KIAA0825: variants seen among roughly 807,000 people sequenced by gnomAD.
KIAA0825 encodes uncharacterized protein KIAA0825.
A neutral mutation model predicts 147.6 loss-of-function variants in KIAA0825; 119 were observed. The ratio of observed to expected loss-of-function variants is 0.81; its 90% CI spans 0.69 to 0.94. The LOEUF is 0.94. KIAA0825 is among the 40% of genes least tolerant of loss of function. The pLI is 0.00. For missense variants in KIAA0825, 1,381 were observed against 1,472.7 expected (o/e 0.94, Z 1.02); for synonymous variants, 470 against 518.1 (o/e 0.91, Z 1.26).
At chr5:94,500,768 C>T (rs1764978234) in intron 5 of KIAA0825, among the ~76,000 whole-genome samples, 1 of 152,100 alleles carries the variant, frequency 6.6e-6, no homozygotes, top group African/African-American at 2.4e-5. Context: ...TTAATTTCAT[C>T]TTATTTCATT....
chr5:94,264,784 T>A (rs2150135859), intron 20 of KIAA0825, among the ~76,000 whole-genome samples: 1 of 151,478 alleles, frequency 6.6e-6, no homozygotes, highest in East Asian at 1.9e-4. Flanking sequence ...TACATACACA[T>A]ACTTTTTTTT....
At chr5:94,158,955 TAGG>T (rs1264632478) in intron 20 of KIAA0825, among the ~76,000 whole-genome samples, 2 of 152,236 alleles carry the variant, frequency 1.3e-5, no homozygotes, top group Admixed American at 6.5e-5. Flanking sequence ...AGGTTGCAAG[TAGG>T]AGAAGTCCTG....
intron 3 of KIAA0825, 48 bp downstream of exon 3, chr5:94,536,948 T>G (rs370769968): frequency 1.5e-5 from 21 of 1,374,384 alleles, no homozygotes; most frequent in East Asian, 2.3e-5. Context: ...AAATTTCATA[T>G]AAGTGAAATG....
chr5:94,455,212 G>A (rs776944480), intron 12 of KIAA0825, among the ~76,000 whole-genome samples: 8 of 152,060 alleles, frequency 5.3e-5, no homozygotes, highest in East Asian at 1.9e-4. Flanking sequence ...AAAAAGGAAC[G>A]TAAGATGTAA....
intron 20 of KIAA0825, among the ~76,000 whole-genome samples, chr5:94,238,237 A>G (rs1177085346): frequency 6.6e-6 from 1 of 152,196 alleles, no homozygotes; most frequent in Non-Finnish European, 1.5e-5. Flanking sequence ...GCTCAAGATC[A>G]TGGGTGTTCA....
intron 12 of KIAA0825, among the ~76,000 whole-genome samples, chr5:94,454,880 A>T (rs959119002): frequency 7.9e-5 from 12 of 152,306 alleles, no homozygotes; most frequent in African/African-American, 2.9e-4. Flanking sequence ...CAAATATAAA[A>T]CATGTTAAAT....
At chr5:94,238,634 A>G (rs1775187844) in intron 20 of KIAA0825, among the ~76,000 whole-genome samples, 1 of 152,214 alleles carries the variant, frequency 6.6e-6, no homozygotes. Context: ...GATTTTTAAC[A>G]ATCCATATTA....
At chr5:94,254,907 C>T (rs367796852) in intron 20 of KIAA0825, among the ~76,000 whole-genome samples, 9 of 151,874 alleles carry the variant, frequency 5.9e-5, no homozygotes, top group African/African-American at 2.2e-4. Flanking sequence ...CACAGCTTAG[C>T]GAAAAGGCAC....
intron 15 of KIAA0825, chr5:94,413,935 C>T (rs568761131): frequency 1.3e-5 from 2 of 152,230 alleles, no homozygotes; most frequent in South Asian, 4.1e-4. Context: ...TATACTATGG[C>T]GCAGGTATTT....
chr5:94,433,745 T>C (rs1356233547), intron 14 of KIAA0825, among the ~76,000 whole-genome samples: 1 of 152,218 alleles, frequency 6.6e-6, no homozygotes, highest in South Asian at 2.1e-4. Context: ...AGAAACAATG[T>C]CTGGAACATG....
Position 94,175,866 on chromosome 5 carries a change from A to G in KIAA0825, c.3711-21742T>C, listed in dbSNP as rs1769046411. ...CTTGCCCCCTCCCATCTTATTTGCC[A>G]TAACCTATAAATTTAGCCAAAATGC... On this transcript the variant is annotated intron_variant, in intron 20 of 20. Transcript: ENST00000682413. Among the ~76,000 whole-genome samples the G allele has an allele frequency of 2.0e-5, 3 of 152,182 alleles. No homozygotes were observed. In the South Asian group the frequency reaches 6.2e-4, roughly 32 times the overall value.
chr5:94,580,936 GATTTTACTTTC>G (rs1483000633), intron 2 of KIAA0825, among the ~76,000 whole-genome samples: 2 of 108,402 alleles, frequency 1.8e-5, no homozygotes, highest in East Asian at 3.3e-4. Flanking sequence ...TAACACATAA[GATTTTACTTTC>G]ATTTTACTTT....
intron 20 of KIAA0825, among the ~76,000 whole-genome samples, chr5:94,327,404 A>G (rs1206449081): frequency 6.6e-6 from 1 of 151,662 alleles, no homozygotes; most frequent in African/African-American, 2.4e-5. Flanking sequence ...GCAATTCAGT[A>G]TGAGGAAGGG....
chr5:94,476,967 A>AT, intron 7 of KIAA0825, 144 bp downstream of exon 7: 5 of 619,020 alleles, frequency 8.1e-6, no homozygotes, highest in Non-Finnish European at 1.4e-5. Flanking sequence ...TCAAAAACTT[A>AT]TAAGCCAATT....
At chr5:94,521,055 A>T (rs1285035936) in intron 4 of KIAA0825, 138 bp from the exon 5 acceptor site, 1 of 784,256 alleles carries the variant, frequency 1.3e-6, no homozygotes, top group African/African-American at 1.7e-5. Context: ...TTTGCATTTG[A>T]AATTTAATCA....
In KIAA0825 at chr5:94,417,292, G is replaced by A. The variant is rs933164187; in HGVS notation, c.2571C>T (p.Tyr857=). 4 of 1,550,658 alleles carry A rather than the reference G, an allele frequency of 2.6e-6. No individual in the cohort carries two copies. In the African/African-American group the frequency reaches 5.5e-5, roughly 21 times the overall value. Residue 857 remains tyrosine, a synonymous_variant, in exon 15 of 21, where the codon TAC becomes TAT. Coordinates refer to ENST00000682413, the MANE Select transcript of KIAA0825 (RefSeq NM_001145678.3). ...SLMEAIFKIL[Y]HCSFSPQTFA... ...ATGTTTGTGGAGAAAAACTGCAATG[G>A]TACAATATTTTAAAGATGGCTTCCA... is the stretch of plus-strand genomic sequence containing the variant.
At chr5:94,251,452 T>C (rs936178003) in intron 20 of KIAA0825, among the ~76,000 whole-genome samples, 1 of 152,096 alleles carries the variant, frequency 6.6e-6, no homozygotes, top group Non-Finnish European at 1.5e-5. Context: ...CGCTTATCCC[T>C]AAAGGCCATG....
intron 2 of KIAA0825, among the ~76,000 whole-genome samples, chr5:94,556,736 C>T (rs1443359734): frequency 2.0e-5 from 3 of 152,192 alleles, no homozygotes; most frequent in African/African-American, 7.2e-5. Flanking sequence ...GTCCAAGCTT[C>T]TTACTTTTTA....
chr5:94,303,835 G>C (rs1444525533), intron 20 of KIAA0825, among the ~76,000 whole-genome samples: 1 of 152,034 alleles, frequency 6.6e-6, no homozygotes, highest in Non-Finnish European at 1.5e-5. Flanking sequence ...TCGAACAGGA[G>C]TTCCCAAGGT....
Sources: gnomAD v4.1 joint callset for allele counts (sites outside exome capture counted in the v4.1 genomes callset) on GRCh38, gnomAD v4.1.1 for gene constraint, MANE v1.5 for transcripts, NCBI Gene and HGNC (gene_info 2026-07-23, HGNC 2026-07-21) for gene names.